EYA4: variants seen among roughly 807,000 people sequenced by gnomAD.
The protein encoded by EYA4 is protein phosphatase EYA4.
EYA4 carries 31 observed loss-of-function variants against 87.9 expected under a neutral mutation model. The ratio of observed to expected loss-of-function variants is 0.35; its 90% CI spans 0.27 to 0.48. EYA4 has a LOEUF of 0.48. Ranked by LOEUF, EYA4 falls within the 20% of genes least tolerant of loss-of-function variation. The pLI, the probability that EYA4 is intolerant of heterozygous loss-of-function variation, is 0.99. For synonymous variants in EYA4, 263 were observed against 270.6 expected (o/e 0.97, Z 0.28); for missense variants, 678 against 761.4 (o/e 0.89, Z 1.29).
intron 2 of EYA4, among the ~76,000 whole-genome samples, chr6:133,303,591 A>AT (rs758000368): frequency 6.6e-6 from 1 of 152,176 alleles, no homozygotes; most frequent in Non-Finnish European, 1.5e-5. Flanking sequence ...AGTTGTAGAT[A>AT]TTTTGAATAC....
chr6:133,349,653 C>T (rs1031888034), intron 2 of EYA4, among the ~76,000 whole-genome samples: 6 of 151,158 alleles, frequency 4.0e-5, no homozygotes, highest in African/African-American at 1.5e-4. Flanking sequence ...GTATGAAATG[C>T]TTTGAGTGCA....
intron 1 of EYA4, among the ~76,000 whole-genome samples, chr6:133,257,231 T>C (rs1481660809): frequency 6.6e-6 from 1 of 152,156 alleles, no homozygotes; most frequent in Non-Finnish European, 1.5e-5. Context: ...TAGAGTGCAT[T>C]AGAATGCCAG....
Position 133,525,089 on chromosome 6 carries a change from C to T in EYA4, c.1739-65C>T, listed in dbSNP as rs774508799. The T allele has an allele frequency of 4.3e-6, 7 of 1,613,530 alleles. No individual in the cohort carries two copies. In the East Asian group the frequency reaches 6.7e-5, roughly 15 times the overall value. Reference sequence around the variant, plus strand: ...AACTTATGTTGTGATTGGAGATGGCCGAGATGAGGAGCATGCCGCTAACCA... The same window carrying T: ...AACTTATGTTGTGATTGGAGATGGCTGAGATGAGGAGCATGCCGCTAACCA... On this transcript the variant is annotated intron_variant, in intron 18 of 19. Coordinates refer to ENST00000355286, the MANE Select transcript of EYA4 (RefSeq NM_004100.5).
intron 2 of EYA4, among the ~76,000 whole-genome samples, chr6:133,349,074 G>A (rs1429338113): frequency 5.9e-5 from 9 of 152,124 alleles, no homozygotes; most frequent in Admixed American, 2.0e-4. Context: ...TGTGCCAGAC[G>A]TATGCACCTG....
At chr6:133,351,902 C>T (rs1783669739) in intron 2 of EYA4, among the ~76,000 whole-genome samples, 1 of 151,642 alleles carries the variant, frequency 6.6e-6, no homozygotes, top group Non-Finnish European at 1.5e-5. Flanking sequence ...TCACCTATAC[C>T]TTCTTCCCAG....
intron 2 of EYA4, among the ~76,000 whole-genome samples, chr6:133,347,766 G>A (rs1472354920): frequency 6.6e-6 from 1 of 152,154 alleles, no homozygotes; most frequent in Non-Finnish European, 1.5e-5. Context: ...CCAAAATCAT[G>A]TACCTAGTTA....
chr6:133,369,125 T>C (rs923236530), intron 2 of EYA4, among the ~76,000 whole-genome samples: 3 of 152,202 alleles, frequency 2.0e-5, no homozygotes, highest in Admixed American at 2.0e-4. Context: ...TTAATCTTTC[T>C]TTTAAGATCT....
chr6:133,409,338 A>G (rs560438773), intron 3 of EYA4, among the ~76,000 whole-genome samples: 39 of 152,212 alleles, frequency 2.6e-4, no homozygotes, highest in Non-Finnish European at 3.4e-4. Context: ...ACACACAAAA[A>G]AAGAAGTGTT....
intron 9 of EYA4, 58 bp downstream of exon 9, chr6:133,462,822 T>C (rs927712573): frequency 3.4e-6 from 5 of 1,489,346 alleles, no homozygotes; most frequent in Admixed American, 1.7e-5. Context: ...GTGAGACTCA[T>C]TGGCTTCAGA....
At chr6:133,242,629 C>A (rs1280895354) in intron 1 of EYA4, among the ~76,000 whole-genome samples, 1 of 152,102 alleles carries the variant, frequency 6.6e-6, no homozygotes, top group African/African-American at 2.4e-5. Flanking sequence ...TATTCTGCGC[C>A]GCACAGCAAC....
chr6:133,391,228 T>TG (rs869236906), intron 3 of EYA4, among the ~76,000 whole-genome samples: 1 of 36,836 alleles, frequency 2.7e-5, no homozygotes, highest in Non-Finnish European at 1.1e-4. Flanking sequence ...TTTTGTTTTT[T>TG]TTTTTTTTTT....
chr6:133,276,664 A>G (rs1349414195), intron 2 of EYA4, among the ~76,000 whole-genome samples: 1 of 152,100 alleles, frequency 6.6e-6, no homozygotes, highest in Non-Finnish European at 1.5e-5. Flanking sequence ...CTACCCTCTC[A>G]GCTTGAACCC....
rs1361994973 is a variant in EYA4 at position 133,377,635 on chromosome 6, ATTTTTTCAAAACTACTATT to A, written c.34-4755_34-4737del. ...GGTGGATGCTAGAGATATCTGGATA[ATTTTTTCAAAACTACTATT>A]TATTTTGCTTACATGGAGTTTAAAT... On this transcript the variant is annotated intron_variant, in intron 2 of 19. Transcript: ENST00000355286. Among the ~76,000 whole-genome samples the A allele has an allele frequency of 1.5e-4, 14 of 95,678 alleles. No individual in the cohort carries two copies. The East Asian group carries it at 4.8e-3, about 33-fold the overall frequency. The allele number at this position is 95,678 out of a possible 152,430, so 62.8% of individuals were successfully genotyped here. A position where few individuals can be genotyped will look rare whatever the true frequency, so the allele number is the denominator to read the frequency against.
chr6:133,419,237 G>C (rs1289483824), intron 3 of EYA4, among the ~76,000 whole-genome samples: 1 of 152,176 alleles, frequency 6.6e-6, no homozygotes, highest in Non-Finnish European at 1.5e-5. Flanking sequence ...TTTACACACT[G>C]TGACCGTGAG....
chr6:133,356,057 AAGAGAG>A (rs35204258), intron 2 of EYA4, among the ~76,000 whole-genome samples: 14 of 135,770 alleles, frequency 1.0e-4, no homozygotes, highest in Admixed American at 7.2e-5. Flanking sequence ...GAAAGAGAGA[AAGAGAG>A]AGAGAGAGAG....
At chr6:133,403,802 TTTTG>T (rs1788463733) in intron 3 of EYA4, among the ~76,000 whole-genome samples, 2 of 152,198 alleles carry the variant, frequency 1.3e-5, no homozygotes, top group South Asian at 2.1e-4. Context: ...TGTTTTTTGT[TTTTG>T]TTTGTTTGTG....
chr6:133,528,204 T>A (rs1197069139), intron 19 of EYA4, among the ~76,000 whole-genome samples: 2 of 152,248 alleles, frequency 1.3e-5, no homozygotes, highest in Non-Finnish European at 2.9e-5. Context: ...AAGAAAGTTA[T>A]AATCCCCACC....
chr6:133,349,318 T>A (rs1027657562), intron 2 of EYA4, among the ~76,000 whole-genome samples: 2 of 152,196 alleles, frequency 1.3e-5, no homozygotes, highest in African/African-American at 4.8e-5. Context: ...TAAATTTTAG[T>A]TTTTTTGTTT....
intron 12 of EYA4, among the ~76,000 whole-genome samples, chr6:133,482,790 G>A (rs548311573): frequency 6.6e-6 from 1 of 152,256 alleles, no homozygotes; most frequent in African/African-American, 2.4e-5. Flanking sequence ...ACGAGTAAAT[G>A]TATGGATTAA....
Sources: gnomAD v4.1 joint callset for allele counts (sites outside exome capture counted in the v4.1 genomes callset) on GRCh38, gnomAD v4.1.1 for gene constraint, MANE v1.5 for transcripts, NCBI Gene and HGNC (gene_info 2026-07-23, HGNC 2026-07-21) for gene names.